Variants in AGBL2 observed in about 807,000 individuals in gnomAD.
AGBL2 encodes the protein AGBL carboxypeptidase 2, also known as cytosolic carboxypeptidase 2.
AGBL2 carries 87 observed loss-of-function variants against 103.0 expected under a neutral mutation model. The observed-to-expected ratio is 0.84, with a 90% CI of 0.71 to 1.01. AGBL2 has a LOEUF of 1.01. AGBL2 is among the 50% of genes least tolerant of loss of function. The pLI, the probability that AGBL2 is intolerant of heterozygous loss-of-function variation, is 0.00. For synonymous variants in AGBL2, 335 were observed against 356.7 expected, an observed-to-expected ratio of 0.94 and a Z score of 0.69; for missense variants, 904 against 1,023.5, an observed-to-expected ratio of 0.88 and a Z score of 1.59.
At chr11:47,698,099 T>G (rs1414204058) in intron 8 of AGBL2, among the ~76,000 whole-genome samples, 2 of 150,510 alleles carry the variant, frequency 1.3e-5, no homozygotes, top group Non-Finnish European at 2.9e-5. Context: ...CGACCTCAGG[T>G]GATCTGCCCA....
intron 12 of AGBL2, among the ~76,000 whole-genome samples, chr11:47,681,085 T>C (rs925295507): frequency 6.6e-6 from 1 of 151,782 alleles, no homozygotes; most frequent in Non-Finnish European, 1.5e-5. Context: ...ATCCCAGTAC[T>C]TTGAGAGGCC....
At chr11:47,681,901 T>C in intron 12 of AGBL2, 68 bp downstream of exon 12, 1 of 1,563,356 alleles carries the variant, frequency 6.4e-7, no homozygotes, top group Admixed American at 2.0e-5. Flanking sequence ...AAAGGCATTT[T>C]ATCTCCCTGA....
Position 47,690,361 on chromosome 11 carries a change from G to C in AGBL2, c.1346C>G (p.Ala449Gly), listed in dbSNP as rs927797300. The change falls in exon 10 of 19, where the codon GCA (alanine) becomes GGA (glycine). Residue 449 changes from alanine to glycine, a missense_variant. Ala to Gly is a moderately conservative substitution (Grantham distance 60, BLOSUM62 0). Coordinates refer to ENST00000525123, the MANE Select transcript of AGBL2 (RefSeq NM_024783.4). ...CAAGACCACAGCTTTCTTTGCAGCTGCCTCTTGAGGGGTCTGGGATGGGTT... is the reference window on the plus strand; with the variant it reads ...CAAGACCACAGCTTTCTTTGCAGCTCCCTCTTGAGGGGTCTGGGATGGGTT... ...ITNPSQTPQEAAAKKAVVLSA... is the reference protein window; with the variant it reads ...ITNPSQTPQEGAAKKAVVLSA... 4 of 1,614,042 alleles carry C rather than the reference G, an allele frequency of 2.5e-6. No individual in the cohort carries two copies. The highest frequency in any genetic ancestry group is 2.2e-5 in the East Asian group (1 of 44,894).
chr11:47,695,599 CCT>C (rs1380776799), intron 8 of AGBL2, among the ~76,000 whole-genome samples: 1 of 149,078 alleles, frequency 6.7e-6, no homozygotes, highest in Non-Finnish European at 1.5e-5. Flanking sequence ...GCGGTGAAAC[CCT>C]GTCTCCACTA....
chr11:47,680,006 G>A lies in AGBL2; in HGVS notation c.1983C>T (p.Thr661=). Residue 661 remains threonine (T), a synonymous_variant, in exon 13 of 19, where the codon ACC becomes ACT. Transcript: ENST00000525123. ...GGTCAGGATCACAAAAGTCCAGAAGGGTGTCACAGACATGATAACCTAAGG... is the reference window on the plus strand; with the variant it reads ...GGTCAGGATCACAAAAGTCCAGAAGAGTGTCACAGACATGATAACCTAAGG... ...LKSLGYHVCD[T]LLDFCDPDQM... is the part of the protein sequence containing the mutation. 1 of 1,612,482 alleles carries A rather than the reference G, an allele frequency of 6.2e-7. No individual in the cohort carries two copies. Among genetic ancestry groups the A allele is most frequent in the Non-Finnish European group, 8.5e-7 (1 of 1,178,990 alleles).
intron 14 of AGBL2, among the ~76,000 whole-genome samples, chr11:47,673,789 A>T (rs1224693467): frequency 9.2e-5 from 5 of 54,468 alleles, no homozygotes; most frequent in Non-Finnish European, 3.8e-5. Flanking sequence ...GAGAGACTCC[A>T]TCTCAAAAAA....
chr11:47,710,433 G>A lies in AGBL2; in HGVS notation c.176C>T (p.Ser59Phe), dbSNP rs371834331. Residue 59 changes from serine (S) to phenylalanine (F), a missense_variant, in exon 4 of 19, where the codon TCT becomes TTT. Coordinates refer to ENST00000525123, the MANE Select transcript of AGBL2 (RefSeq NM_024783.4). ...TATCAAATCATCTTTTTCCCCAAGA[G>A]AGCCATTCAACAGGCATTGAGGGTT... ...KNNPQCLLNG[S>F]LGEKDDLIPD... 29 of 1,614,044 alleles carry A rather than the reference G, an allele frequency of 1.8e-5. No individual in the cohort carries two copies. The highest frequency in any genetic ancestry group is 4.5e-5 in the East Asian group (2 of 44,890).
At chr11:47,706,891 C>A (rs12362904) in intron 4 of AGBL2, among the ~76,000 whole-genome samples, 71,142 of 80,400 alleles carry the variant, frequency 0.88, 31,457 homozygotes, top group South Asian at 0.93. Context: ...TCTACTATTC[C>A]AAAAAAAAAA....
intron 5 of AGBL2, 109 bp downstream of exon 5, chr11:47,705,755 G>A: frequency 1.0e-6 from 1 of 972,688 alleles, no homozygotes. Context: ...CATCAGGCAT[G>A]AATCCCATTC....
chr11:47,685,817 T>G (rs1440230263), intron 11 of AGBL2, 76 bp downstream of exon 11: 2 of 1,414,182 alleles, frequency 1.4e-6, no homozygotes, highest in African/African-American at 1.4e-5. Flanking sequence ...AAATGCCAAA[T>G]AAAACACTAC....
intron 5 of AGBL2, 49 bp from the exon 6 acceptor site, chr11:47,705,683 G>A (rs1393710268): frequency 4.9e-6 from 3 of 614,696 alleles, no homozygotes; most frequent in East Asian, 2.6e-5. Context: ...GAAAGGGAAT[G>A]AGGAAAAAAG....
chr11:47,666,674 G>C, intron 17 of AGBL2: 1 of 572,928 alleles, frequency 1.7e-6, no homozygotes, highest in Non-Finnish European at 3.1e-6. Context: ...TGATTGAGTA[G>C]ATGGGTGAGT....
At chr11:47,699,986 C>A (rs1240473514) in intron 7 of AGBL2, among the ~76,000 whole-genome samples, 1 of 129,062 alleles carries the variant, frequency 7.7e-6, no homozygotes, top group African/African-American at 2.5e-5. Context: ...GAGATGGAGT[C>A]TTGCTCTATT....
intron 7 of AGBL2, 122 bp from the exon 8 acceptor site, chr11:47,699,675 C>T (rs2153804867): frequency 1.9e-6 from 1 of 539,338 alleles, no homozygotes; most frequent in East Asian, 3.4e-5. Context: ...AAACCAAATT[C>T]CCACCCTAAA....
At chr11:47,710,176 C>T in intron 4 of AGBL2, 1 of 609,870 alleles carries the variant, frequency 1.6e-6, no homozygotes. Flanking sequence ...GGCGTGATCA[C>T]CATGCCCGGC....
At chr11:47,691,729 A>AAAAAAAAAATATATATATATATATAT in intron 9 of AGBL2, among the ~76,000 whole-genome samples, 2 of 4,856 alleles carry the variant, frequency 4.1e-4, no homozygotes, top group African/African-American at 7.2e-4. Context: ...AAAAAAAAAA[A>AAAAAAAAAATATATATATATATATAT]ATATATATAT....
At chr11:47,668,603 A>G (rs2097348146) in intron 15 of AGBL2, among the ~76,000 whole-genome samples, 1 of 152,228 alleles carries the variant, frequency 6.6e-6, no homozygotes, top group Non-Finnish European at 1.5e-5. Context: ...GATATTAATG[A>G]TCATTAAATG....
rs2097495918 is a variant in AGBL2, at chr11:47,700,875, CACGGTGAA to C, written c.587-1330_587-1323del. On this transcript the variant is annotated intron_variant, in intron 7 of 18. Coordinates refer to ENST00000525123, the MANE Select transcript of AGBL2 (RefSeq NM_024783.4). ...AGGAGATCGAGACCAGCCTGGCCAA[CACGGTGAA>C]ACCCCGTCTCTATTAAAAAATACAA... Among the ~76,000 whole-genome samples the C allele has an allele frequency of 2.0e-5, 3 of 151,584 alleles. No homozygotes were observed. In the South Asian group the frequency reaches 6.2e-4, roughly 31 times the overall value.
chr11:47,712,063 C>T (rs879506075), intron 3 of AGBL2, among the ~76,000 whole-genome samples: 5 of 152,126 alleles, frequency 3.3e-5, no homozygotes, highest in East Asian at 1.9e-4. Context: ...AAAAACAGAC[C>T]GTCTAAAAAA....
Sources: gnomAD v4.1 joint callset for allele counts (sites outside exome capture counted in the v4.1 genomes callset) on GRCh38, gnomAD v4.1.1 for gene constraint, MANE v1.5 for transcripts, NCBI Gene and HGNC (gene_info 2026-07-23, HGNC 2026-07-21) for gene names.